The following CDH12 variants were observed in gnomAD, a reference collection of about 807,000 sequenced individuals.
CDH12 encodes the protein cadherin-12.
A neutral mutation model predicts 74.1 loss-of-function variants in CDH12; 41 were observed. That is an observed-to-expected ratio of 0.55 (90% CI 0.43 to 0.72). CDH12 has a LOEUF of 0.72. Among genes scored for constraint, CDH12 ranks in the 30% least tolerant of loss-of-function variants. The pLI, the probability that CDH12 is intolerant of heterozygous loss-of-function variation, is 0.00. For synonymous variants in CDH12, 399 were observed against 355.0 expected, an observed-to-expected ratio of 1.12 and a Z score of -1.39; for missense variants, 945 against 977.2, an observed-to-expected ratio of 0.97 and a Z score of 0.44.
At chr5:22,748,951 G>A (rs62342483) in intron 1 of CDH12, among the ~76,000 whole-genome samples, 1 of 152,100 alleles carries the variant, frequency 6.6e-6, no homozygotes, top group Non-Finnish European at 1.5e-5. Context: ...AAACTCACTG[G>A]GCTGGGAGAC....
At chr5:22,440,512 A>G in intron 2 of CDH12, among the ~76,000 whole-genome samples, 1 of 152,086 alleles carries the variant, frequency 6.6e-6, no homozygotes, top group East Asian at 1.9e-4. Context: ...AAAACAACAC[A>G]AATTTATTAT....
At chr5:22,164,662 ATCCCGATCCTTGTCCC>A (rs1748576770) in intron 4 of CDH12, among the ~76,000 whole-genome samples, 1 of 152,052 alleles carries the variant, frequency 6.6e-6, no homozygotes. Context: ...CTGGGTTTAT[ATCCCGATCCTTGTCCC>A]TCCCACTGTG....
intron 3 of CDH12, among the ~76,000 whole-genome samples, chr5:22,361,761 TCAGAAATAATACCA>T (rs1740811615): frequency 1.3e-5 from 2 of 152,056 alleles, no homozygotes; most frequent in African/African-American, 4.8e-5. Context: ...AACAGAGACC[TCAGAAATAATACCA>T]CACATCTACC....
intron 2 of CDH12, among the ~76,000 whole-genome samples, chr5:22,462,752 C>T (rs1426838667): frequency 2.6e-5 from 4 of 152,182 alleles, no homozygotes; most frequent in African/African-American, 9.6e-5. Flanking sequence ...CCAGCACACA[C>T]TGAAATTAAA....
intron 1 of CDH12, among the ~76,000 whole-genome samples, chr5:22,805,657 T>C (rs1479128961): frequency 6.6e-6 from 1 of 152,176 alleles, no homozygotes; most frequent in Non-Finnish European, 1.5e-5. Flanking sequence ...CAAAAGCTTT[T>C]TCTTTCTTTT....
chr5:22,037,958 C>A (rs1400830746), intron 5 of CDH12, among the ~76,000 whole-genome samples: 4 of 152,056 alleles, frequency 2.6e-5, no homozygotes, highest in Admixed American at 2.6e-4. Flanking sequence ...AAGAAAATCC[C>A]AGCAGTCCCC....
In CDH12 at chr5:21,899,565, T is replaced by G. The variant is rs1026367784; in HGVS notation, c.527-44775A>C. On this transcript the variant is annotated intron_variant, in intron 6 of 14. Transcript: ENST00000382254. ...CTCAAAATTTAAACTCATTTACAAT[T>G]TAAAAGGTATGAAATATTTGAGGTC... 2.6e-5 allele frequency among the ~76,000 whole-genome samples: 4 copies of G among 152,198 alleles called. No individual in the cohort carries two copies. In the South Asian group the frequency reaches 6.2e-4, roughly 24 times the overall value.
chr5:22,685,457 C>T (rs567073793), intron 1 of CDH12, among the ~76,000 whole-genome samples: 3 of 152,224 alleles, frequency 2.0e-5, no homozygotes, highest in East Asian at 3.9e-4. Context: ...AGGATGGTCT[C>T]GATCTCCTGA....
chr5:22,033,147 T>A (rs1462972025), intron 5 of CDH12, among the ~76,000 whole-genome samples: 1 of 152,054 alleles, frequency 6.6e-6, no homozygotes, highest in Non-Finnish European at 1.5e-5. Context: ...ATTTTAGCAA[T>A]GTATTTTGTT....
Position 22,078,513 on chromosome 5 carries a change from C to A in CDH12, c.164G>T (p.Gly55Val), listed in dbSNP as rs749791192. ...QRSHFQRVKR[G>V]WVWNQFFVLE... ...CACAAAAAATTGATTCCATACCCAG[C>A]CACGTTTAACACGTTGGAAATGTGA... The change falls in exon 5 of 15, where the codon GGC becomes GTC. Residue 55 changes from glycine (G) to valine (V), a missense_variant. By Grantham distance (109) the Gly-to-Val change is moderately radical (BLOSUM62 -3). Transcript: ENST00000382254. The A allele has an allele frequency of 3.3e-5, 53 of 1,613,950 alleles. No homozygotes were observed. The Admixed American group carries it at 8.8e-4, about 27-fold the overall frequency.
intron 3 of CDH12, among the ~76,000 whole-genome samples, chr5:22,323,930 C>A (rs574467372): frequency 5.3e-5 from 8 of 152,134 alleles, no homozygotes; most frequent in South Asian, 4.1e-4. Context: ...TAGTAATTGA[C>A]TTGCCCAAAA....
intron 6 of CDH12, among the ~76,000 whole-genome samples, chr5:21,875,965 G>C (rs150284003): frequency 3.4e-5 from 5 of 144,936 alleles, no homozygotes; most frequent in Non-Finnish European, 4.5e-5. Flanking sequence ...GCACGATCTC[G>C]GTTCACCACA....
At chr5:22,053,670 G>A (rs1740544126) in intron 5 of CDH12, among the ~76,000 whole-genome samples, 1 of 151,986 alleles carries the variant, frequency 6.6e-6, no homozygotes, top group African/African-American at 2.4e-5. Flanking sequence ...CCTCTAGGGG[G>A]TGCTGAGATA....
chr5:22,506,458 A>G (rs891608271), intron 1 of CDH12, among the ~76,000 whole-genome samples: 2 of 152,058 alleles, frequency 1.3e-5, no homozygotes, highest in African/African-American at 4.8e-5. Context: ...GAGCTCTTTC[A>G]ATTAGCCTCT....
chr5:22,434,507 A>G (rs890086216), intron 2 of CDH12, among the ~76,000 whole-genome samples: 1 of 152,120 alleles, frequency 6.6e-6, no homozygotes, highest in Admixed American at 6.6e-5. Flanking sequence ...TCCAAAATGG[A>G]GTTCACCATG....
At chr5:22,151,990 GGGA>G (rs758035471) in intron 4 of CDH12, 3 of 151,884 alleles carry the variant, frequency 2.0e-5, no homozygotes, top group Non-Finnish European at 4.4e-5. Context: ...CCGTTCTCGG[GGGA>G]AAGGTAAGCA....
At chr5:22,104,364 G>T (rs1383572332) in intron 4 of CDH12, among the ~76,000 whole-genome samples, 1 of 151,982 alleles carries the variant, frequency 6.6e-6, no homozygotes, top group African/African-American at 2.4e-5. Flanking sequence ...ACTTTTGTGT[G>T]TTAAACAGTC....
rs755619245 is a variant in CDH12, at chr5:22,245,107, T to C, written c.-332-32464A>G. On this transcript the variant is annotated intron_variant, in intron 3 of 14. Coordinates refer to ENST00000382254, the MANE Select transcript of CDH12 (RefSeq NM_004061.5). ...TGAAACCCAGCAGGAGCAATTTCTA[T>C]GTAGGGCCTTATTGATTATAGTTTG... Among the ~76,000 whole-genome samples, 6 of 152,152 alleles carry C rather than the reference T, an allele frequency of 3.9e-5. No homozygotes were observed. The East Asian group carries it at 7.7e-4, about 20-fold the overall frequency.
At chr5:22,620,816 G>T (rs550644196) in intron 1 of CDH12, among the ~76,000 whole-genome samples, 16 of 152,210 alleles carry the variant, frequency 1.1e-4, no homozygotes, top group Non-Finnish European at 8.8e-5. Flanking sequence ...CACTTGTTGT[G>T]AAAAGAAAAC....
Sources: gnomAD v4.1 joint callset for allele counts (sites outside exome capture counted in the v4.1 genomes callset) on GRCh38, gnomAD v4.1.1 for gene constraint, MANE v1.5 for transcripts, NCBI Gene and HGNC (gene_info 2026-07-23, HGNC 2026-07-21) for gene names.